Variants in STYK1 observed in about 807,000 individuals in gnomAD.
The protein encoded by STYK1 is tyrosine-protein kinase STYK1.
Under a neutral mutation model 48.1 loss-of-function variants are expected in STYK1, and 46 were observed. That is an observed-to-expected ratio of 0.96 (90% CI 0.75 to 1.22). STYK1 has a LOEUF of 1.22. Among genes scored for constraint, STYK1 ranks in the 50% most tolerant of loss-of-function variants. The probability of loss-of-function intolerance (pLI) is 0.00; values close to 1 mark genes in which losing one functional copy is unlikely to be tolerated. For synonymous variants in STYK1, 188 were observed against 189.0 expected (o/e 0.99, Z 0.04); for missense variants, 527 against 521.1 (o/e 1.01, Z -0.11).
chr12:10,630,631 AT>A (rs1276095767), intron 5 of STYK1, among the ~76,000 whole-genome samples: 1 of 151,620 alleles, frequency 6.6e-6, no homozygotes, highest in Non-Finnish European at 1.5e-5. Context: ...CATTAACAGA[AT>A]AAAGGATAAA....
chr12:10,635,902 C>T (rs184604889), intron 2 of STYK1, among the ~76,000 whole-genome samples: 1 of 152,262 alleles, frequency 6.6e-6, no homozygotes, highest in East Asian at 1.9e-4. Context: ...CAAGACACTC[C>T]CATGGTTCTA....
Position 10,620,100 on chromosome 12 carries a change from C to T in STYK1, c.*44G>A. ...TCTCTGTTCTTAGAGGAATTGATTC[C>T]AAGAACATATACTCATGCATGAATG... On this transcript the variant is annotated 3_prime_UTR_variant, in exon 11 of 11. Transcript: ENST00000075503. The T allele has an allele frequency of 2.5e-6, 4 of 1,599,776 alleles. No homozygotes were observed. Among genetic ancestry groups the T allele is most frequent in the South Asian group, 2.2e-5 (2 of 90,730 alleles).
intron 7 of STYK1, among the ~76,000 whole-genome samples, chr12:10,626,442 T>C (rs951710262): frequency 6.6e-6 from 1 of 152,150 alleles, no homozygotes; most frequent in Non-Finnish European, 1.5e-5. Flanking sequence ...GCTTCAACCA[T>C]AACTATTACT....
intron 1 of STYK1, chr12:10,673,668 TC>T (rs974410857): frequency 1.3e-5 from 2 of 150,760 alleles, no homozygotes; most frequent in Non-Finnish European, 2.9e-5. Flanking sequence ...TAAACAGAGG[TC>T]CCCCATTCCT....
At chr12:10,641,116 C>G in intron 1 of STYK1, among the ~76,000 whole-genome samples, 1 of 152,144 alleles carries the variant, frequency 6.6e-6, no homozygotes, top group Non-Finnish European at 1.5e-5. Flanking sequence ...TAATCAATAA[C>G]AATTTTCCCA....
intron 1 of STYK1, among the ~76,000 whole-genome samples, chr12:10,665,325 A>C (rs1240061557): frequency 2.6e-5 from 4 of 152,236 alleles, no homozygotes; most frequent in Non-Finnish European, 5.9e-5. Context: ...TGAAATGCAG[A>C]GCATGCTTCA....
rs183376220 is a variant in STYK1 at position 10,638,348 on chromosome 12, G to A, written c.-194-1152C>T. On this transcript the variant is annotated intron_variant, in intron 1 of 10. Transcript: ENST00000075503. Reference sequence around the variant, plus strand: ...CAGACTTTCTCTTAGCATGTTAAAGGTTTAACTCCCCTCTTTCATTGAGAA... The same window carrying A: ...CAGACTTTCTCTTAGCATGTTAAAGATTTAACTCCCCTCTTTCATTGAGAA... 2.3e-3 allele frequency among the ~76,000 whole-genome samples: 352 copies of A among 152,184 alleles called. 1 individual carries two copies. The highest frequency in any genetic ancestry group is 8.2e-3 in the African/African-American group (340 of 41,494).
chr12:10,666,290 T>C (rs546992760), intron 1 of STYK1, among the ~76,000 whole-genome samples: 87 of 152,326 alleles, frequency 5.7e-4, no homozygotes, highest in Non-Finnish European at 1.0e-3. Flanking sequence ...TAGCTGACTA[T>C]TGTCAGAAAA....
intron 1 of STYK1, among the ~76,000 whole-genome samples, chr12:10,644,929 A>G (rs1335401986): frequency 6.6e-6 from 1 of 152,150 alleles, no homozygotes; most frequent in Non-Finnish European, 1.5e-5. Flanking sequence ...TAAGAGAGAA[A>G]GAGGAAAAAA....
At position 10,673,986 on chromosome 12, in the gene STYK1, T is replaced by A. The variant is rs1314799990; in HGVS notation, c.-215A>T. ...ACTACCGTGTCCCTCCTCTGGTCACTCCGGTTTCCGATGGCACCGGCCCAG... is the reference window on the plus strand; with the variant it reads ...ACTACCGTGTCCCTCCTCTGGTCACACCGGTTTCCGATGGCACCGGCCCAG... On this transcript the variant is annotated 5_prime_UTR_variant, in exon 1 of 11. Transcript: ENST00000075503. 1 of 151,268 alleles carries A rather than the reference T, an allele frequency of 6.6e-6. No homozygotes were observed. The highest frequency in any genetic ancestry group is 2.4e-5 in the African/African-American group (1 of 41,164). The allele number at this position is 151,268 out of a possible 1,614,324, so 9.4% of individuals were successfully genotyped here. A position where few individuals can be genotyped will look rare whatever the true frequency, so the allele number is the denominator to read the frequency against.
At chr12:10,634,199 G>T in intron 3 of STYK1, 75 bp from the exon 4 acceptor site, 1 of 1,509,198 alleles carries the variant, frequency 6.6e-7, no homozygotes, top group Non-Finnish European at 9.0e-7. Context: ...TCCCCTACCC[G>T]CCAGCTCTCA....
At chr12:10,629,758 T>C (rs1274542562) in intron 5 of STYK1, 84 bp from the exon 6 acceptor site, 24 of 1,520,630 alleles carry the variant, frequency 1.6e-5, no homozygotes, top group Non-Finnish European at 2.1e-5. Flanking sequence ...CAACTTAAGA[T>C]GTTAATTCTC....
At chr12:10,651,544 T>G (rs890465421) in intron 1 of STYK1, among the ~76,000 whole-genome samples, 2 of 152,220 alleles carry the variant, frequency 1.3e-5, no homozygotes, top group African/African-American at 4.8e-5. Context: ...ACCTAGTACA[T>G]AGTAAGCAGT....
At chr12:10,637,560 C>T (rs1947500262) in intron 1 of STYK1, among the ~76,000 whole-genome samples, 1 of 152,072 alleles carries the variant, frequency 6.6e-6, no homozygotes, top group Non-Finnish European at 1.5e-5. Flanking sequence ...CCAGGATGGT[C>T]TCGATCTCCT....
intron 1 of STYK1, among the ~76,000 whole-genome samples, chr12:10,656,181 C>T (rs909651913): frequency 6.6e-6 from 1 of 152,186 alleles, no homozygotes; most frequent in African/African-American, 2.4e-5. Flanking sequence ...CTTTGCCTGT[C>T]GCCCACAGGC....
intron 1 of STYK1, among the ~76,000 whole-genome samples, chr12:10,646,830 G>C (rs1947605290): frequency 6.6e-6 from 1 of 152,236 alleles, no homozygotes; most frequent in African/African-American, 2.4e-5. Flanking sequence ...AGCTGCTCCA[G>C]CTGTGACTAA....
intron 1 of STYK1, among the ~76,000 whole-genome samples, chr12:10,651,935 C>T (rs554282944): frequency 5.3e-4 from 80 of 152,256 alleles, no homozygotes; most frequent in Admixed American, 2.2e-3. Flanking sequence ...AAAGTGGATG[C>T]AGCAGATTTT....
At chr12:10,664,184 T>A (rs150109312) in intron 1 of STYK1, among the ~76,000 whole-genome samples, 50 of 152,314 alleles carry the variant, frequency 3.3e-4, no homozygotes, top group African/African-American at 1.1e-3. Flanking sequence ...CACTACGTTC[T>A]GTAGTTGTCT....
intron 3 of STYK1, 100 bp from the exon 4 acceptor site, chr12:10,634,224 A>T: frequency 2.9e-6 from 4 of 1,376,010 alleles, no homozygotes; most frequent in Non-Finnish European, 4.0e-6. Flanking sequence ...ATCATACATG[A>T]AAAGGTCATC....
Sources: gnomAD v4.1 joint callset for allele counts (sites outside exome capture counted in the v4.1 genomes callset) on GRCh38, gnomAD v4.1.1 for gene constraint, MANE v1.5 for transcripts, NCBI Gene and HGNC (gene_info 2026-07-23, HGNC 2026-07-21) for gene names.